The following TCF12 variants were observed in gnomAD, a reference collection of about 807,000 sequenced individuals.
TCF12 encodes the protein DNA-binding protein HTF4.
TCF12 carries 45 observed loss-of-function variants against 86.0 expected under a neutral mutation model. The ratio of observed to expected loss-of-function variants is 0.52; its 90% confidence interval spans 0.41 to 0.67. TCF12 has a LOEUF of 0.67. TCF12 is among the 30% of genes least tolerant of loss of function. The probability of loss-of-function intolerance (pLI) is 0.00; values close to 1 mark genes in which losing one functional copy is unlikely to be tolerated. For missense variants in TCF12, 881 were observed against 859.9 expected (o/e 1.02, Z -0.31); for synonymous variants, 330 against 299.6 (o/e 1.10, Z -1.05).
intron 3 of TCF12, among the ~76,000 whole-genome samples, chr15:57,023,557 C>A (rs1431720642): frequency 6.6e-6 from 1 of 152,106 alleles, no homozygotes; most frequent in East Asian, 1.9e-4. Flanking sequence ...GTTCCCAAAC[C>A]TCTTAATAAT....
At chr15:57,194,925 G>A (rs1209463234) in intron 7 of TCF12, among the ~76,000 whole-genome samples, 11 of 151,836 alleles carry the variant, frequency 7.2e-5, no homozygotes, top group African/African-American at 2.7e-4. Flanking sequence ...TTTTTGAGAC[G>A]GAGTTTCACT....
chr15:57,271,678 A>C (rs1443596511), intron 18 of TCF12, among the ~76,000 whole-genome samples: 1 of 152,090 alleles, frequency 6.6e-6, no homozygotes, highest in East Asian at 1.9e-4. Context: ...CTTCGATCTC[A>C]CTGGGAGCTG....
rs1211425992 is a variant in TCF12, at chr15:57,246,888, G to A, written c.1114+3338G>A. The A allele has an allele frequency of 1.6e-5, 7 of 446,722 alleles. No individual in the cohort carries two copies. The East Asian group carries it at 4.1e-4, about 26-fold the overall frequency. 27.7% of individuals were successfully genotyped at this position (446,722 alleles called of 1,614,324 possible). A position where few individuals can be genotyped will look rare whatever the true frequency, so the allele number is the denominator to read the frequency against. ...ATGCCTTTCGGACAACTGTCTCAAA[G>A]TAACCTACAGCTTTCCTGACAACTC... On this transcript the variant is annotated intron_variant, in intron 13 of 20. Transcript: ENST00000333725.
At chr15:56,951,618 T>C (rs2061279603) in intron 3 of TCF12, among the ~76,000 whole-genome samples, 1 of 152,166 alleles carries the variant, frequency 6.6e-6, no homozygotes. Context: ...AATCTTTCCT[T>C]AATTGGTCAC....
At position 56,933,422 on chromosome 15, in the gene TCF12, T is replaced by G. The variant is rs138499355; in HGVS notation, c.148+12324T>G. Among the ~76,000 whole-genome samples, 25 of 152,328 alleles carry G rather than the reference T, an allele frequency of 1.6e-4. No individual in the cohort carries two copies. The East Asian group carries it at 4.4e-3, about 27-fold the overall frequency. ...GAGCGAGTACCTACTAATGCTCTGTTTTTTGTTCTGTGTAGAATGGTTTGT... is the reference window on the plus strand; with the variant it reads ...GAGCGAGTACCTACTAATGCTCTGTGTTTTGTTCTGTGTAGAATGGTTTGT... On this transcript the variant is annotated intron_variant, in intron 3 of 20. Coordinates refer to ENST00000333725, the MANE Select transcript of TCF12 (RefSeq NM_207037.2).
At chr15:57,148,775 G>A (rs995775364) in intron 5 of TCF12, among the ~76,000 whole-genome samples, 2 of 152,036 alleles carry the variant, frequency 1.3e-5, no homozygotes, top group Admixed American at 6.6e-5. Context: ...TACTCAGGAG[G>A]TTGAGGTGAG....
chr15:57,061,639 ATATT>A (rs753367725), intron 3 of TCF12, among the ~76,000 whole-genome samples: 5 of 152,170 alleles, frequency 3.3e-5, no homozygotes, highest in Non-Finnish European at 5.9e-5. Flanking sequence ...CATAAGCCTC[ATATT>A]TATTAGTCAT....
intron 3 of TCF12, among the ~76,000 whole-genome samples, chr15:57,030,172 GATTA>G (rs1479831533): frequency 2.6e-5 from 4 of 152,144 alleles, no homozygotes; most frequent in Non-Finnish European, 4.4e-5. Flanking sequence ...TTAATCAGTT[GATTA>G]ATTGAGTCGT....
Position 56,995,231 on chromosome 15 carries a change from C to CTTTTTTTTTTTTTTTTTTTTTTTTTTT in TCF12, c.149-68517_149-68491dup, listed in dbSNP as rs557610511. ...AAGTCAGGTAATGTGATACCTGCAG[C>CTTTTTTTTTTTTTTTTTTTTTTTTTTT]TTTTTTTTTTTTTTTTTTTTTTTTT... On this transcript the variant is annotated intron_variant, in intron 3 of 20. Coordinates refer to ENST00000333725, the MANE Select transcript of TCF12 (RefSeq NM_207037.2). 4.9e-4 allele frequency among the ~76,000 whole-genome samples: 15 copies of CTTTTTTTTTTTTTTTTTTTTTTTTTTT among 30,304 alleles called. 3 individuals are homozygous for CTTTTTTTTTTTTTTTTTTTTTTTTTTT. The highest frequency in any genetic ancestry group is 6.8e-4 in the Non-Finnish European group (11 of 16,184). The allele number at this position is 30,304 out of a possible 152,430, so 19.9% of individuals were successfully genotyped here.
intron 3 of TCF12, among the ~76,000 whole-genome samples, chr15:57,037,670 A>G (rs1246769080): frequency 6.6e-6 from 1 of 152,206 alleles, no homozygotes; most frequent in Non-Finnish European, 1.5e-5. Context: ...CTGATGCTGT[A>G]ACAAGTACCC....
intron 11 of TCF12, 28 bp downstream of exon 11, chr15:57,232,884 C>G: frequency 4.0e-6 from 6 of 1,506,672 alleles, no homozygotes; most frequent in Non-Finnish European, 5.3e-6. Context: ...GCAAAACTTC[C>G]TAAAAGTTTG....
chr15:57,266,359 T>C (rs2060871707), intron 18 of TCF12, among the ~76,000 whole-genome samples: 2 of 152,114 alleles, frequency 1.3e-5, no homozygotes, highest in Admixed American at 1.3e-4. Context: ...ATTACAGGCG[T>C]GAGCCACTGC....
intron 6 of TCF12, among the ~76,000 whole-genome samples, chr15:57,188,409 G>T (rs1166924189): frequency 6.6e-6 from 1 of 152,154 alleles, no homozygotes; most frequent in East Asian, 1.9e-4. Flanking sequence ...AAAGCAATCT[G>T]TGGATTCAAT....
At chr15:57,204,884 G>A (rs2057735011) in intron 8 of TCF12, among the ~76,000 whole-genome samples, 1 of 151,988 alleles carries the variant, frequency 6.6e-6, no homozygotes, top group Non-Finnish European at 1.5e-5. Flanking sequence ...AAGGTCAAGA[G>A]TTAGAACTAT....
intron 6 of TCF12, among the ~76,000 whole-genome samples, chr15:57,183,485 C>G (rs1180223656): frequency 6.6e-6 from 1 of 152,130 alleles, no homozygotes; most frequent in South Asian, 2.1e-4. Flanking sequence ...TATTCTCTTG[C>G]GTATTTCCAA....
chr15:57,044,478 TTG>T (rs2067099628), intron 3 of TCF12, among the ~76,000 whole-genome samples: 1 of 152,228 alleles, frequency 6.6e-6, no homozygotes, highest in Non-Finnish European at 1.5e-5. Flanking sequence ...AATGAACTTT[TTG>T]TTTGTTAGAG....
intron 3 of TCF12, among the ~76,000 whole-genome samples, chr15:56,987,782 A>G (rs1382367416): frequency 6.6e-6 from 1 of 152,220 alleles, no homozygotes; most frequent in Non-Finnish European, 1.5e-5. Flanking sequence ...TTCTAATTTA[A>G]ATTCGTGGTT....
At chr15:57,070,188 G>A (rs940763825) in intron 4 of TCF12, among the ~76,000 whole-genome samples, 17 of 151,230 alleles carry the variant, frequency 1.1e-4, no homozygotes, top group Non-Finnish European at 1.9e-4. Flanking sequence ...GATGATATCC[G>A]GGATTTTTTT....
At chr15:56,993,227 C>T (rs2063539300) in intron 3 of TCF12, among the ~76,000 whole-genome samples, 1 of 152,132 alleles carries the variant, frequency 6.6e-6, no homozygotes. Flanking sequence ...CTGCTAAGTT[C>T]AGAATGAAAA....
Sources: gnomAD v4.1 joint callset for allele counts (sites outside exome capture counted in the v4.1 genomes callset) on GRCh38, gnomAD v4.1.1 for gene constraint, MANE v1.5 for transcripts, NCBI Gene and HGNC (gene_info 2026-07-23, HGNC 2026-07-21) for gene names.